The following ZNF536 variants were observed in gnomAD, a reference collection of about 807,000 sequenced individuals.
ZNF536 encodes the protein zinc finger protein 536.
In ZNF536, 13 loss-of-function variants were observed where a neutral mutation model predicts 84.5. The ratio of observed to expected loss-of-function variants is 0.15; its 90% CI spans 0.10 to 0.24. The LOEUF is 0.24. Ranked by LOEUF, ZNF536 falls within the 10% of genes least tolerant of loss-of-function variation. ZNF536 has a pLI of 1.00. For synonymous variants in ZNF536, 811 were observed against 742.5 expected, an observed-to-expected ratio of 1.09 and a Z score of -1.50; for missense variants, 1,536 against 1,747.5, an observed-to-expected ratio of 0.88 and a Z score of 2.16.
intron 1 of ZNF536, among the ~76,000 whole-genome samples, chr19:30,242,372 C>G (rs543496476): frequency 6.6e-6 from 1 of 152,138 alleles, no homozygotes; most frequent in Non-Finnish European, 1.5e-5. Flanking sequence ...CTACCCCCAG[C>G]TTTAGGGGGT....
intron 2 of ZNF536, among the ~76,000 whole-genome samples, chr19:30,515,072 A>C (rs1772208127): frequency 6.6e-6 from 1 of 152,040 alleles, no homozygotes; most frequent in South Asian, 2.1e-4. Flanking sequence ...GCAACATGGC[A>C]AGACCCCATC....
intron 1 of ZNF536, among the ~76,000 whole-genome samples, chr19:30,632,878 T>G (rs1052530692): frequency 1.2e-4 from 19 of 152,288 alleles, no homozygotes; most frequent in African/African-American, 4.1e-4. Context: ...CAATCCCAAG[T>G]TATCTTCTTT....
At chr19:30,453,267 C>T (rs942845905) in intron 2 of ZNF536, among the ~76,000 whole-genome samples, 2 of 152,140 alleles carry the variant, frequency 1.3e-5, no homozygotes, top group African/African-American at 4.8e-5. Context: ...GGCACCTGAG[C>T]CGGGCTGGGT....
chr19:30,590,342 C>T (rs143095654), intron 1 of ZNF536, among the ~76,000 whole-genome samples: 460 of 152,320 alleles, frequency 3.0e-3, no homozygotes, highest in Non-Finnish European at 5.2e-3. Flanking sequence ...TATGGTCAAG[C>T]TTGTTCCTCC....
rs2148156229 is a variant in ZNF536 at position 30,443,839 on chromosome 19, G to T, written c.277G>T (p.Asp93Tyr). 3 of 1,613,242 alleles carry T rather than the reference G, an allele frequency of 1.9e-6. No homozygotes were observed. The highest frequency in any genetic ancestry group is 2.5e-6 in the Non-Finnish European group (3 of 1,179,890). ...GGCCAACCAGCTGGGCCGGGAGGTG[G>T]ACACCAGCCTCAACGGGAGGGTGGA... Reference protein sequence around the residue: ...LLANQLGREVDTSLNGRVDLQ... With the variant: ...LLANQLGREVYTSLNGRVDLQ... The change falls in exon 2 of 5, where the codon GAC becomes TAC. Residue 93 changes from aspartate to tyrosine, a missense_variant. Transcript: ENST00000355537.
intron 1 of ZNF536, among the ~76,000 whole-genome samples, chr19:30,571,598 C>G (rs983203368): frequency 3.9e-5 from 6 of 152,170 alleles, no homozygotes; most frequent in Admixed American, 3.9e-4. Context: ...GTCCATGCCC[C>G]CTTCTTGGTG....
intron 3 of ZNF536, among the ~76,000 whole-genome samples, chr19:30,355,644 C>T (rs1050354762): frequency 6.6e-6 from 1 of 152,100 alleles, no homozygotes; most frequent in African/African-American, 2.4e-5. Context: ...TCCCCAGCCT[C>T]TGGGCCATGG....
intron 3 of ZNF536, among the ~76,000 whole-genome samples, chr19:30,540,831 T>C (rs759755946): frequency 6.6e-6 from 1 of 152,246 alleles, no homozygotes; most frequent in African/African-American, 2.4e-5. Context: ...TACTCACAAG[T>C]GGTGTTGGCG....
chr19:30,677,389 C>CTGAAAG (rs2050790324), intron 1 of ZNF536, among the ~76,000 whole-genome samples: 3 of 152,348 alleles, frequency 2.0e-5, no homozygotes, highest in Admixed American at 6.5e-5. Context: ...AAGGTGCCCT[C>CTGAAAG]CTGGCTATTG....
intron 2 of ZNF536, among the ~76,000 whole-genome samples, chr19:30,484,618 A>G (rs2054223087): frequency 1.3e-5 from 2 of 150,504 alleles, no homozygotes; most frequent in South Asian, 4.2e-4. Flanking sequence ...TGCAGGACCC[A>G]TGAGCTTCTT....
At chr19:30,664,697 G>A (rs1043298256) in intron 1 of ZNF536, among the ~76,000 whole-genome samples, 4 of 152,170 alleles carry the variant, frequency 2.6e-5, no homozygotes, top group Non-Finnish European at 5.9e-5. Context: ...GGTGAGAATC[G>A]GGGAGGGTGG....
At chr19:30,675,341 G>T (rs985065325) in intron 1 of ZNF536, among the ~76,000 whole-genome samples, 2 of 152,174 alleles carry the variant, frequency 1.3e-5, no homozygotes, top group Non-Finnish European at 2.9e-5. Flanking sequence ...CTACCTGATG[G>T]ACCCCTCAAA....
intron 1 of ZNF536, among the ~76,000 whole-genome samples, chr19:30,408,295 G>T (rs2050347206): frequency 6.6e-6 from 1 of 152,114 alleles, no homozygotes; most frequent in Admixed American, 6.5e-5. Context: ...TAGTATAATT[G>T]CCCTAACCTT....
At chr19:30,687,388 A>G (rs1020646365) in intron 1 of ZNF536, among the ~76,000 whole-genome samples, 3 of 152,204 alleles carry the variant, frequency 2.0e-5, no homozygotes, top group Non-Finnish European at 4.4e-5. Context: ...AGTGTACAGG[A>G]CGGGGCATCA....
In ZNF536 at chr19:30,444,188, G is replaced by A; in HGVS notation, c.626G>A (p.Arg209Gln). 6.4e-7 allele frequency: 1 copy of A among 1,560,810 alleles called. No homozygotes were observed. The highest frequency in any genetic ancestry group is 8.6e-7 in the Non-Finnish European group (1 of 1,156,856). The change falls in exon 2 of 5, where the codon CGG becomes CAG. Residue 209 changes from arginine to glutamine, a missense_variant. Arg to Gln is a conservative substitution (Grantham distance 43). Transcript: ENST00000355537. The part of the protein sequence containing the change: ...LHELEERAIL[R>Q]DKQLKGSLLQ... ...GAGCTGGAGGAGCGCGCCATCCTGC[G>A]GGACAAGCAGCTGAAAGGCAGCCTG...
chr19:30,582,950 G>T (rs1181377955), intron 1 of ZNF536, among the ~76,000 whole-genome samples: 1 of 152,196 alleles, frequency 6.6e-6, no homozygotes, highest in Non-Finnish European at 1.5e-5. Context: ...AACCATATCA[G>T]ATGTGGTCTC....
chr19:30,629,477 T>C (rs1355615969), intron 1 of ZNF536, among the ~76,000 whole-genome samples: 1 of 152,240 alleles, frequency 6.6e-6, no homozygotes, highest in East Asian at 1.9e-4. Context: ...GTTATAGGCA[T>C]AAGCCACCAT....
intron 1 of ZNF536, among the ~76,000 whole-genome samples, chr19:30,407,244 A>G (rs1351497855): frequency 6.6e-6 from 1 of 152,210 alleles, no homozygotes; most frequent in Non-Finnish European, 1.5e-5. Context: ...CTTTTTGTTT[A>G]TATTGACGTT....
chr19:30,266,873 T>C (rs2145385882), intron 1 of ZNF536, among the ~76,000 whole-genome samples: 1 of 152,308 alleles, frequency 6.6e-6, no homozygotes, highest in South Asian at 2.1e-4. Flanking sequence ...CACACATCTG[T>C]GTTCAGAATT....
Sources: gnomAD v4.1 joint callset for allele counts (sites outside exome capture counted in the v4.1 genomes callset) on GRCh38, gnomAD v4.1.1 for gene constraint, MANE v1.5 for transcripts, NCBI Gene and HGNC (gene_info 2026-07-23, HGNC 2026-07-21) for gene names.